FYB2: variants seen among roughly 807,000 people sequenced by gnomAD.
The protein encoded by FYB2 is FYN-binding protein 2.
A neutral mutation model predicts 94.1 loss-of-function variants in FYB2; 103 were observed. The ratio of observed to expected loss-of-function variants is 1.09; its 90% CI spans 0.93 to 1.29. The LOEUF (loss-of-function observed/expected upper bound fraction) is 1.29. Ranked by LOEUF, FYB2 falls within the 50% of genes most tolerant of loss-of-function variation. The probability of loss-of-function intolerance (pLI) is 0.00; values close to 1 mark genes in which losing one functional copy is unlikely to be tolerated. For synonymous variants in FYB2, 293 were observed against 287.9 expected, an observed-to-expected ratio of 1.02 and a Z score of -0.18; for missense variants, 896 against 841.5, an observed-to-expected ratio of 1.06 and a Z score of -0.80.
At position 56,731,187 on chromosome 1, in the gene FYB2, C is replaced by G. The variant is rs180847933; in HGVS notation, c.1794-4604G>C. On this transcript the variant is annotated intron_variant, in intron 15 of 19. Transcript: ENST00000343433. ...CCTCACACACTGACCCCTGGGCTCA[C>G]TTGGTGAGCACATCCCCAGAAAGAG... Among the ~76,000 whole-genome samples the G allele has an allele frequency of 2.6e-4, 40 of 152,230 alleles. 1 individual carries two copies. The highest frequency in any genetic ancestry group is 8.9e-4 in the African/African-American group (37 of 41,556).
rs781188790 is a variant in FYB2, at chr1:56,740,690, T to C, written c.1703+7A>G. 2 of 1,556,216 alleles carry C rather than the reference T, an allele frequency of 1.3e-6. No homozygotes were observed. The highest frequency in any genetic ancestry group is 1.4e-5 in the African/African-American group (1 of 73,120). On this transcript the variant is annotated splice_region_variant and intron_variant, in intron 13 of 19. Transcript: ENST00000343433. ...CTCGTGGAAAGGGATTTAAAGGGAC[T>C]TTTTACCTTAAGTTTTCTTTCGACT...
At chr1:56,811,801 CT>C (rs1646774699) in intron 1 of FYB2, among the ~76,000 whole-genome samples, 1 of 152,190 alleles carries the variant, frequency 6.6e-6, no homozygotes. Context: ...GCAACATACA[CT>C]TTTGGATGAT....
At chr1:56,820,891 C>G (rs1027149299), upstream of FYB2, among the ~76,000 whole-genome samples, 1 of 152,172 alleles carries the variant, frequency 6.6e-6, no homozygotes, top group Non-Finnish European at 1.5e-5. Flanking sequence ...TGTAATCGTG[C>G]TGATATTTTC....
At chr1:56,774,554 T>C (rs568042392) in intron 4 of FYB2, among the ~76,000 whole-genome samples, 5 of 152,320 alleles carry the variant, frequency 3.3e-5, no homozygotes, top group African/African-American at 1.2e-4. Flanking sequence ...TCTTTTTATG[T>C]AATATATATT....
chr1:56,743,863 C>G (rs1005266391), intron 11 of FYB2, among the ~76,000 whole-genome samples, 163 bp downstream of exon 11: 9 of 152,002 alleles, frequency 5.9e-5, no homozygotes, highest in African/African-American at 2.2e-4. Flanking sequence ...TAGCACATAC[C>G]TTGGTATTGC....
At chr1:56,721,687 C>G (rs1342514) in intron 17 of FYB2, among the ~76,000 whole-genome samples, 46,902 of 151,948 alleles carry the variant, frequency 0.31, 7,660 homozygotes, top group Admixed American at 0.48. Context: ...TCTTTGTCCC[C>G]TTTACTGAAG....
chr1:56,792,208 GC>G lies in FYB2; in HGVS notation c.604del (p.Ala202ProfsTer15). 1 of 1,613,908 alleles carries G rather than the reference GC, an allele frequency of 6.2e-7. No individual in the cohort carries two copies. Among genetic ancestry groups the G allele is most frequent in the Non-Finnish European group, 8.5e-7 (1 of 1,179,942 alleles). On this transcript the variant is annotated frameshift_variant, in exon 2 of 20. Coordinates refer to ENST00000343433, the MANE Select transcript of FYB2 (RefSeq NM_001004303.5). LOFTEE classifies it high-confidence loss of function. ...QTLPSQKHVV[A>X]PKILHNVSED... ...AGAGACGTTATGTAATATTTTGGGG[GC>G]CACCACGTGCTTCTGGGAAGGAAGA...
chr1:56,747,430 C>T (rs1645093655), intron 9 of FYB2, among the ~76,000 whole-genome samples: 1 of 151,908 alleles, frequency 6.6e-6, no homozygotes, highest in Non-Finnish European at 1.5e-5. Flanking sequence ...TGACAGGCCC[C>T]AGTATGTGAT....
intron 1 of FYB2, among the ~76,000 whole-genome samples, chr1:56,806,506 A>G (rs954339936): frequency 6.6e-6 from 1 of 152,104 alleles, no homozygotes; most frequent in South Asian, 2.1e-4. Flanking sequence ...GGCCCCTTGA[A>G]AGGTCTCACA....
At chr1:56,769,568 G>A (rs1419306423) in intron 4 of FYB2, among the ~76,000 whole-genome samples, 1 of 152,096 alleles carries the variant, frequency 6.6e-6, no homozygotes, top group African/African-American at 2.4e-5. Context: ...GAAAGTAGTG[G>A]AAGAGGGCTA....
At chr1:56,806,985 A>T in intron 1 of FYB2, among the ~76,000 whole-genome samples, 1 of 152,266 alleles carries the variant, frequency 6.6e-6, no homozygotes, top group Middle Eastern at 3.4e-3. Flanking sequence ...GTCCTCCAAC[A>T]ACCCAATTAC....
chr1:56,825,767 C>T, the FYB2 span, among the ~76,000 whole-genome samples: 5 of 152,180 alleles, frequency 3.3e-5, no homozygotes, highest in Non-Finnish European at 7.3e-5. Flanking sequence ...GTGTGTTGGG[C>T]TAGGCTTTGT....
At chr1:56,738,715 T>C (rs1028117719) in intron 13 of FYB2, 62 bp from the exon 14 acceptor site, 1 of 1,528,296 alleles carries the variant, frequency 6.5e-7, no homozygotes, top group African/African-American at 1.4e-5. Flanking sequence ...AAAGATGAGC[T>C]GACAGATCTC....
chr1:56,787,134 G>A (rs1256692561), intron 4 of FYB2, 41 bp downstream of exon 4: 6 of 1,609,014 alleles, frequency 3.7e-6, no homozygotes, highest in Middle Eastern at 1.6e-4. Context: ...TAGCCTCTGT[G>A]GTGGGCTACG....
At chr1:56,760,405 T>G (rs568615689) in intron 5 of FYB2, among the ~76,000 whole-genome samples, 44 of 152,336 alleles carry the variant, frequency 2.9e-4, no homozygotes, top group Admixed American at 7.8e-4. Flanking sequence ...CAGCATATAA[T>G]TGTTGACACA....
At position 56,719,630 on chromosome 1, in the gene FYB2, G is replaced by A. The variant is rs1451853916; in HGVS notation, c.*41C>T. ...ACGCAGGACTAGGATCTTAGGACTAGTTCTCCTTTGTGCAGTCCATAGCAT... is the reference window on the plus strand; with the variant it reads ...ACGCAGGACTAGGATCTTAGGACTAATTCTCCTTTGTGCAGTCCATAGCAT... On this transcript the variant is annotated 3_prime_UTR_variant, in exon 20 of 20. Coordinates refer to ENST00000343433, the MANE Select transcript of FYB2 (RefSeq NM_001004303.5). 1.5e-5 allele frequency: 23 copies of A among 1,551,568 alleles called. No individual in the cohort carries two copies. Among genetic ancestry groups the A allele is most frequent in the Non-Finnish European group, 2.0e-5 (23 of 1,137,636 alleles).
In FYB2 at chr1:56,792,309, A is replaced by G; in HGVS notation, c.504T>C (p.His168=). Residue 168 remains histidine, a synonymous_variant, in exon 2 of 20, where the codon CAT becomes CAC. Coordinates refer to ENST00000343433, the MANE Select transcript of FYB2 (RefSeq NM_001004303.5). ...LLANYGSKAI[H]LEGQKGMGLT... is the part of the protein sequence containing the mutation. ...GCCCCATGCCTTTTTGCCCTTCCAG[A>G]TGGATGGCCTTACTTCCATAGTTGG... 6.2e-7 allele frequency: 1 copy of G among 1,614,004 alleles called. No homozygotes were observed. The highest frequency in any genetic ancestry group is 2.2e-5 in the East Asian group (1 of 44,864).
chr1:56,738,725 C>G, intron 13 of FYB2, 72 bp from the exon 14 acceptor site: 6 of 1,477,712 alleles, frequency 4.1e-6, no homozygotes, highest in Non-Finnish European at 5.6e-6. Flanking sequence ...TGACAGATCT[C>G]CAATAACATA....
intron 4 of FYB2, among the ~76,000 whole-genome samples, chr1:56,781,115 T>C (rs965462314): frequency 1.3e-5 from 2 of 152,206 alleles, no homozygotes; most frequent in Non-Finnish European, 2.9e-5. Flanking sequence ...AGCACTGTAG[T>C]TGCAAACAAT....
Sources: allele counts gnomAD v4.1 joint callset (sites outside exome capture counted in the v4.1 genomes callset), GRCh38; gene constraint gnomAD v4.1.1; transcripts MANE v1.5; gene names NCBI Gene and HGNC (gene_info 2026-07-23, HGNC 2026-07-21).